OXR1: variants seen among roughly 807,000 people sequenced by gnomAD.
OXR1 encodes oxidation resistance protein 1.
Under a neutral mutation model 104.6 loss-of-function variants are expected in OXR1, and 41 were observed. That is an observed-to-expected ratio of 0.39 (90% CI 0.31 to 0.51). OXR1 has a LOEUF of 0.51. Ranked by LOEUF, OXR1 falls within the 20% of genes least tolerant of loss-of-function variation. The probability of loss-of-function intolerance (pLI) is 0.77; values close to 1 mark genes in which losing one functional copy is unlikely to be tolerated. For synonymous variants in OXR1, 348 were observed against 348.4 expected, an observed-to-expected ratio of 1.00 and a Z score of 0.01; for missense variants, 955 against 1,031.9, an observed-to-expected ratio of 0.93 and a Z score of 1.02.
At chr8:106,645,379 G>A (rs1823990927) in intron 3 of OXR1, among the ~76,000 whole-genome samples, 1 of 152,180 alleles carries the variant, frequency 6.6e-6, no homozygotes, top group South Asian at 2.1e-4. Flanking sequence ...GTGGATAGTA[G>A]GTGGGGCTGA....
intron 3 of OXR1, among the ~76,000 whole-genome samples, chr8:106,613,269 G>T (rs1342684648): frequency 6.6e-6 from 1 of 152,176 alleles, no homozygotes; most frequent in East Asian, 1.9e-4. Flanking sequence ...GCTCTCAAAC[G>T]TATAGTTGCT....
chr8:106,444,702 G>A (rs1819941801), intron 2 of OXR1, among the ~76,000 whole-genome samples: 1 of 151,990 alleles, frequency 6.6e-6, no homozygotes, highest in Non-Finnish European at 1.5e-5. Flanking sequence ...GGGGGGTGAG[G>A]GGCAGGAACT....
intron 3 of OXR1, among the ~76,000 whole-genome samples, chr8:106,578,886 AC>A (rs1427495034): frequency 6.7e-6 from 1 of 149,024 alleles, no homozygotes; most frequent in African/African-American, 2.5e-5. Flanking sequence ...CTTCCCATTT[AC>A]TCTTTACCCT....
intron 2 of OXR1, among the ~76,000 whole-genome samples, chr8:106,502,717 T>TTG (rs1811891982): frequency 6.6e-6 from 1 of 152,216 alleles, no homozygotes; most frequent in East Asian, 1.9e-4. Flanking sequence ...AAAGAAAACT[T>TTG]GACCATCTCA....
intron 3 of OXR1, among the ~76,000 whole-genome samples, chr8:106,618,847 A>T (rs1451392427): frequency 6.6e-6 from 1 of 152,068 alleles, no homozygotes; most frequent in Non-Finnish European, 1.5e-5. Context: ...CAGAAAAACG[A>T]GGCAAGAAAT....
At chr8:106,688,252 G>A (rs1225028635) in intron 6 of OXR1, among the ~76,000 whole-genome samples, 3 of 151,930 alleles carry the variant, frequency 2.0e-5, no homozygotes, top group East Asian at 1.9e-4. Context: ...TAATTTTAAA[G>A]TACTTATGTT....
intron 11 of OXR1, among the ~76,000 whole-genome samples, 172 bp downstream of exon 11, chr8:106,714,157 A>G (rs1832003610): frequency 6.6e-6 from 1 of 151,996 alleles, no homozygotes; most frequent in African/African-American, 2.4e-5. Flanking sequence ...TAGTGACTTT[A>G]ATACTATATT....
chr8:106,419,511 A>G (rs1217895144), intron 2 of OXR1, among the ~76,000 whole-genome samples: 1 of 152,112 alleles, frequency 6.6e-6, no homozygotes, highest in Non-Finnish European at 1.5e-5. Context: ...AGCTAGAGGT[A>G]TGAGGAGTGG....
chr8:106,684,421 T>A lies in OXR1; in HGVS notation c.525+62T>A, dbSNP rs549711491. 24 of 815,148 alleles carry A rather than the reference T, an allele frequency of 2.9e-5. No homozygotes were observed. The South Asian group carries it at 3.3e-4, about 11-fold the overall frequency. The allele number at this position is 815,148 out of a possible 1,614,324, so 50.5% of individuals were successfully genotyped here. On this transcript the variant is annotated intron_variant, in intron 6 of 16. Transcript: ENST00000517566. ...AATCTCACTTTGTCTACATTGACTG[T>A]CTTGTTTTTTACATTCCATTTTGAC...
chr8:106,578,717 T>C (rs1450541477), intron 3 of OXR1, among the ~76,000 whole-genome samples: 1 of 152,214 alleles, frequency 6.6e-6, no homozygotes, highest in Non-Finnish European at 1.5e-5. Context: ...AATTATTAAT[T>C]TGTAAAATAG....
chr8:106,489,740 A>G (rs1427840786), intron 2 of OXR1, among the ~76,000 whole-genome samples: 1 of 152,144 alleles, frequency 6.6e-6, no homozygotes, highest in East Asian at 1.9e-4. Flanking sequence ...GTTTAGTTTT[A>G]TGAAAAATAC....
chr8:106,735,446 C>T (rs1057065468), intron 11 of OXR1, among the ~76,000 whole-genome samples: 40 of 152,108 alleles, frequency 2.6e-4, no homozygotes, highest in African/African-American at 8.0e-4. Flanking sequence ...CTACTCTCAG[C>T]AATGCTGATA....
chr8:106,520,906 T>C (rs1258826944), intron 3 of OXR1, among the ~76,000 whole-genome samples: 1 of 152,156 alleles, frequency 6.6e-6, no homozygotes, highest in Admixed American at 6.6e-5. Context: ...CCACCATGAC[T>C]AATGGGCTAA....
At chr8:106,664,560 C>G (rs1587003020) in intron 3 of OXR1, among the ~76,000 whole-genome samples, 1 of 152,262 alleles carries the variant, frequency 6.6e-6, no homozygotes, top group African/African-American at 2.4e-5. Flanking sequence ...GGTATTTGTT[C>G]TGTTTCATAG....
chr8:106,287,330 A>G (rs1189907622), intron 1 of OXR1, among the ~76,000 whole-genome samples: 10 of 152,188 alleles, frequency 6.6e-5, no homozygotes, highest in Admixed American at 5.2e-4. Context: ...TGTCCTGTGG[A>G]TAATAATTTC....
At chr8:106,654,505 C>T (rs1358063788) in intron 3 of OXR1, among the ~76,000 whole-genome samples, 3 of 152,082 alleles carry the variant, frequency 2.0e-5, no homozygotes, top group Non-Finnish European at 4.4e-5. Flanking sequence ...TGGACCACTT[C>T]CTCACATCAA....
chr8:106,318,102 A>G (rs1814050099), intron 1 of OXR1, among the ~76,000 whole-genome samples: 2 of 152,180 alleles, frequency 1.3e-5, no homozygotes. Flanking sequence ...TGCTTATTAT[A>G]CACGTAGGCA....
intron 2 of OXR1, among the ~76,000 whole-genome samples, chr8:106,377,245 A>G (rs1816945334): frequency 6.6e-6 from 1 of 152,036 alleles, no homozygotes; most frequent in African/African-American, 2.4e-5. Context: ...GTACAGTGGC[A>G]TGATCATAGC....
chr8:106,524,799 G>A (rs552061315), intron 3 of OXR1, among the ~76,000 whole-genome samples: 172 of 152,182 alleles, frequency 1.1e-3, no homozygotes, highest in African/African-American at 4.0e-3. Flanking sequence ...ATGAGGGAGG[G>A]GGCAGCAGGA....
Sources: allele counts gnomAD v4.1 joint callset (sites outside exome capture counted in the v4.1 genomes callset), GRCh38; gene constraint gnomAD v4.1.1; transcripts MANE v1.5; gene names NCBI Gene and HGNC (gene_info 2026-07-23, HGNC 2026-07-21).